Variants in PCBP3 observed in about 807,000 individuals in gnomAD.
PCBP3 encodes poly(rC) binding protein 3, also known as poly(rC)-binding protein 3.
Under a neutral mutation model 52.7 loss-of-function variants are expected in PCBP3, and 25 were observed. The ratio of observed to expected loss-of-function variants is 0.47; its 90% confidence interval spans 0.35 to 0.66. PCBP3 has a LOEUF of 0.66. PCBP3 is among the 30% of genes least tolerant of loss of function. PCBP3 has a pLI of 0.01. For missense variants in PCBP3, 391 were observed against 490.3 expected (o/e 0.80, Z 1.91); for synonymous variants, 162 against 183.0 (o/e 0.89, Z 0.93).
chr21:45,809,048 G>A (rs893718957), intron 4 of PCBP3, among the ~76,000 whole-genome samples: 5 of 152,076 alleles, frequency 3.3e-5, no homozygotes, highest in Non-Finnish European at 7.4e-5. Context: ...GGGGGGTGGG[G>A]GGCTAGGCAA....
chr21:45,807,388 C>T (rs2092541050), intron 4 of PCBP3, among the ~76,000 whole-genome samples: 1 of 152,200 alleles, frequency 6.6e-6, no homozygotes, highest in African/African-American at 2.4e-5. Context: ...TTCCTCTACA[C>T]TAATAATAGA....
At chr21:45,720,022 A>T (rs2084508939) in intron 2 of PCBP3, among the ~76,000 whole-genome samples, 1 of 152,194 alleles carries the variant, frequency 6.6e-6, no homozygotes, top group Non-Finnish European at 1.5e-5. Flanking sequence ...CCAGTCCTTT[A>T]TGCCTAAAGA....
chr21:45,791,321 A>G lies in PCBP3; in HGVS notation c.-126+35869A>G, dbSNP rs906203525. On this transcript the variant is annotated intron_variant, in intron 4 of 17. Transcript: ENST00000681687. This position sits in a 1 kb window ranked among gnomAD's most constrained non-coding sequence, Gnocchi z 4.2. ...GGAAGGCTGGGAGCATGGCCAGCCC[A>G]GGGAGTGAGTGTGGTCACTGGTGTG... 1.3e-5 allele frequency among the ~76,000 whole-genome samples: 2 copies of G among 152,222 alleles called. No individual in the cohort carries two copies. Among genetic ancestry groups the G allele is most frequent in the Non-Finnish European group, 2.9e-5 (2 of 68,038 alleles).
chr21:45,697,888 TCTC>T (rs993850751), intron 2 of PCBP3, among the ~76,000 whole-genome samples: 14 of 152,078 alleles, frequency 9.2e-5, no homozygotes, highest in African/African-American at 3.1e-4. Context: ...CCAGAAGACT[TCTC>T]CTCTGTTGTG....
intron 4 of PCBP3, among the ~76,000 whole-genome samples, chr21:45,840,810 T>A (rs2147988673): frequency 6.6e-6 from 1 of 152,308 alleles, no homozygotes; most frequent in Middle Eastern, 3.4e-3. Flanking sequence ...CGCTGAGGTC[T>A]CCCTACATTC....
At chr21:45,814,977 AGTGAGTGGTGAGTGAGTGGTGAGTGAGTG>A (rs1449851239) in intron 4 of PCBP3, among the ~76,000 whole-genome samples, 14 of 48,564 alleles carry the variant, frequency 2.9e-4, no homozygotes, top group Non-Finnish European at 4.1e-4. Context: ...GTGAGTGATG[AGTGAGTGGTGAGTGAGTGGTGAGTGAGTG>A]GTGAGTGATG....
intron 12 of PCBP3, chr21:45,916,226 C>T (rs186144076): frequency 1.1e-4 from 16 of 152,364 alleles, no homozygotes; most frequent in East Asian, 9.6e-4. Flanking sequence ...CCTGGGACCC[C>T]GTGCGCTGAG....
chr21:45,713,677 A>C (rs1304261408), intron 2 of PCBP3, among the ~76,000 whole-genome samples: 1 of 152,104 alleles, frequency 6.6e-6, no homozygotes, highest in African/African-American at 2.4e-5. Context: ...TGCACGAGGG[A>C]GCACAGGACA....
chr21:45,749,004 A>C lies in PCBP3; in HGVS notation c.-161-6413A>C, dbSNP rs550135715. Among the ~76,000 whole-genome samples, 4 of 152,342 alleles carry C rather than the reference A, an allele frequency of 2.6e-5. No homozygotes were observed. In the East Asian group the frequency reaches 7.7e-4, roughly 29 times the overall value. On this transcript the variant is annotated intron_variant, in intron 3 of 17. Coordinates refer to ENST00000681687, the MANE Select transcript of PCBP3 (RefSeq NM_001384156.1). Reference sequence around the variant, plus strand: ...TGCTTCAGCTTTTACAAAGAGGGCAAGAACCACCAGTGTCTTTCTAGGAAC... The same window carrying C: ...TGCTTCAGCTTTTACAAAGAGGGCACGAACCACCAGTGTCTTTCTAGGAAC...
At chr21:45,768,614 A>G (rs966179538) in intron 4 of PCBP3, among the ~76,000 whole-genome samples, 10 of 152,088 alleles carry the variant, frequency 6.6e-5, no homozygotes, top group Non-Finnish European at 1.0e-4. Flanking sequence ...AGTTGTGGAG[A>G]TTTAAATTTG....
intron 5 of PCBP3, among the ~76,000 whole-genome samples, chr21:45,882,838 C>G (rs529059759): frequency 2.0e-5 from 3 of 152,128 alleles, no homozygotes; most frequent in African/African-American, 7.2e-5. Context: ...GCTGCAGCTG[C>G]GGGGTTTCCT....
At chr21:45,661,393 G>A (rs948832857) in intron 1 of PCBP3, among the ~76,000 whole-genome samples, 3 of 151,564 alleles carry the variant, frequency 2.0e-5, no homozygotes, top group South Asian at 2.1e-4. Context: ...ATATTCTCTC[G>A]TAAGTGAGAA....
intron 5 of PCBP3, chr21:45,873,332 C>T (rs926999295): frequency 6.6e-6 from 1 of 152,250 alleles, no homozygotes; most frequent in Non-Finnish European, 1.5e-5. Context: ...CATTAAACAA[C>T]TGCATGTACC....
At chr21:45,668,234 T>G (rs1376186721) in intron 1 of PCBP3, among the ~76,000 whole-genome samples, 2 of 152,188 alleles carry the variant, frequency 1.3e-5, no homozygotes, top group South Asian at 4.1e-4. Flanking sequence ...ATACAGTTTT[T>G]AATACCCTGT....
chr21:45,650,691 G>A, intron 1 of PCBP3, among the ~76,000 whole-genome samples: 1 of 152,168 alleles, frequency 6.6e-6, no homozygotes, highest in Non-Finnish European at 1.5e-5. Flanking sequence ...CTGGGCTCAA[G>A]AAATTCTCCC....
At chr21:45,838,398 CTAA>C (rs373725751) in intron 4 of PCBP3, among the ~76,000 whole-genome samples, 13 of 151,450 alleles carry the variant, frequency 8.6e-5, no homozygotes, top group East Asian at 1.9e-4. Context: ...TGTTTTTGTT[CTAA>C]TAATAATAAT....
chr21:45,854,794 T>C (rs2094203472), intron 5 of PCBP3, among the ~76,000 whole-genome samples: 1 of 152,206 alleles, frequency 6.6e-6, no homozygotes, highest in Admixed American at 6.5e-5. Context: ...GAGAAGATGC[T>C]CTTTGATGAG....
chr21:45,773,799 G>A (rs1036210768), intron 4 of PCBP3, among the ~76,000 whole-genome samples: 2 of 152,090 alleles, frequency 1.3e-5, no homozygotes, highest in Admixed American at 6.5e-5. Context: ...GATAGGGCTT[G>A]CATTGAATCT....
intron 4 of PCBP3, among the ~76,000 whole-genome samples, chr21:45,801,993 T>C (rs895183700): frequency 1.6e-4 from 24 of 152,202 alleles, no homozygotes; most frequent in African/African-American, 5.3e-4. Context: ...TCGGTTGTCC[T>C]GTGACACTGA....
Sources: allele counts gnomAD v4.1 joint callset (sites outside exome capture counted in the v4.1 genomes callset), GRCh38; gene constraint gnomAD v4.1.1; non-coding constraint Gnocchi (gnomAD v3.1); transcripts MANE v1.5; gene names NCBI Gene and HGNC (gene_info 2026-07-23, HGNC 2026-07-21).